The following LAMA2 variants were observed in gnomAD, a reference collection of about 807,000 sequenced individuals.
LAMA2 encodes laminin subunit alpha-2.
Under a neutral mutation model 364.8 loss-of-function variants are expected in LAMA2, and 269 were observed. That is an observed-to-expected ratio of 0.74 (90% CI 0.67 to 0.82). The LOEUF is 0.82. Among genes scored for constraint, LAMA2 ranks in the 40% least tolerant of loss-of-function variants. The pLI, the probability that LAMA2 is intolerant of heterozygous loss-of-function variation, is 0.00. For missense variants in LAMA2, 3,807 were observed against 3,873.2 expected (o/e 0.98, Z 0.45); for synonymous variants, 1,379 against 1,370.6 (o/e 1.01, Z -0.14).
At position 129,505,196 on chromosome 6, in the gene LAMA2, G is replaced by A; in HGVS notation, c.8548-4G>A. On this transcript the variant is annotated splice_polypyrimidine_tract_variant and splice_region_variant and intron_variant, in intron 60 of 64. Transcript: ENST00000421865. ...GGCATTAATGACTCCTTTCTTTTTT[G>A]TAGATTAAGATAATGAGAAGTAAGC... 1 of 1,612,988 alleles carries A rather than the reference G, an allele frequency of 6.2e-7. No individual in the cohort carries two copies. Among genetic ancestry groups the A allele is most frequent in the Non-Finnish European group, 8.5e-7 (1 of 1,179,152 alleles).
At chr6:129,415,897 A>G (rs1780759792) in intron 40 of LAMA2, among the ~76,000 whole-genome samples, 1 of 151,242 alleles carries the variant, frequency 6.6e-6, no homozygotes, top group African/African-American at 2.4e-5. Context: ...AAGAGTGCCA[A>G]CCCTGTCCAA....
chr6:129,487,300 G>C lies in LAMA2; in HGVS notation c.7898+678G>C, dbSNP rs1348208682. The stretch of plus-strand genomic sequence containing the variant: ...ATGCACAAACTGATGACTTTCTTTA[G>C]AATGCTGCAATACTTTATACTTACT... On this transcript the variant is annotated intron_variant, in intron 56 of 64. Coordinates refer to ENST00000421865, the MANE Select transcript of LAMA2 (RefSeq NM_000426.4). Among the ~76,000 whole-genome samples, 4 of 152,138 alleles carry C rather than the reference G, an allele frequency of 2.6e-5. No individual in the cohort carries two copies. The South Asian group carries it at 8.3e-4, about 31-fold the overall frequency.
At chr6:128,902,648 G>T (rs1777160234) in intron 1 of LAMA2, among the ~76,000 whole-genome samples, 1 of 152,174 alleles carries the variant, frequency 6.6e-6, no homozygotes, top group South Asian at 2.1e-4. Flanking sequence ...GGTATCAAAA[G>T]TAGGGTGCGC....
intron 12 of LAMA2, among the ~76,000 whole-genome samples, chr6:129,215,776 A>T (rs117825195): frequency 6.6e-6 from 1 of 152,260 alleles, no homozygotes; most frequent in Non-Finnish European, 1.5e-5. Flanking sequence ...CTCATGAGAC[A>T]CTGGATATGT....
intron 34 of LAMA2, among the ~76,000 whole-genome samples, chr6:129,371,224 A>G (rs985593142): frequency 1.3e-5 from 2 of 149,052 alleles, no homozygotes; most frequent in Non-Finnish European, 3.0e-5. Context: ...ATGAGGCTCA[A>G]TCTGTCTTCA....
chr6:129,155,030 A>G (rs1779025900), intron 8 of LAMA2, among the ~76,000 whole-genome samples: 1 of 152,198 alleles, frequency 6.6e-6, no homozygotes, highest in South Asian at 2.1e-4. Context: ...TTCACTCGAC[A>G]TAATATGTTA....
chr6:129,476,027 G>A (rs1035840242), intron 53 of LAMA2, among the ~76,000 whole-genome samples: 1 of 152,168 alleles, frequency 6.6e-6, no homozygotes, highest in Non-Finnish European at 1.5e-5. Flanking sequence ...GTAAAGAAGT[G>A]TGAGATAGTT....
intron 9 of LAMA2, among the ~76,000 whole-genome samples, chr6:129,170,644 T>C (rs1268140960): frequency 6.6e-6 from 1 of 151,586 alleles, no homozygotes; most frequent in African/African-American, 2.4e-5. Context: ...ATTCTGTTGA[T>C]TTGGGGTGGA....
At chr6:129,309,029 T>A (rs1419337988) in intron 22 of LAMA2, among the ~76,000 whole-genome samples, 1 of 152,196 alleles carries the variant, frequency 6.6e-6, no homozygotes, top group Non-Finnish European at 1.5e-5. Context: ...TGGGGACATA[T>A]CCAACTGTAT....
intron 10 of LAMA2, among the ~76,000 whole-genome samples, chr6:129,187,929 T>G (rs1781320286): frequency 6.6e-6 from 1 of 151,858 alleles, no homozygotes; most frequent in Non-Finnish European, 1.5e-5. Flanking sequence ...TTAAAATGAA[T>G]TCTTGTTCCC....
intron 3 of LAMA2, among the ~76,000 whole-genome samples, chr6:129,096,942 A>G (rs1044335420): frequency 6.6e-6 from 1 of 152,210 alleles, no homozygotes; most frequent in Non-Finnish European, 1.5e-5. Context: ...AGGGTATACC[A>G]TAGATCCTAT....
intron 1 of LAMA2, among the ~76,000 whole-genome samples, chr6:128,932,875 G>T (rs1779569254): frequency 6.6e-6 from 1 of 152,126 alleles, no homozygotes; most frequent in South Asian, 2.1e-4. Flanking sequence ...ATCTGTGTTT[G>T]GAAAATTCCA....
Position 129,156,407 on chromosome 6 carries a change from T to C in LAMA2, c.1206+1724T>C, listed in dbSNP as rs569569255. Among the ~76,000 whole-genome samples, 4 of 152,190 alleles carry C rather than the reference T, an allele frequency of 2.6e-5. No homozygotes were observed. In the South Asian group the frequency reaches 8.3e-4, roughly 32 times the overall value. ...GCATGTCTTTTGTTAAATTAATCTT[T>C]AGAATTTTGCTTTGCATGACTGTAA... On this transcript the variant is annotated intron_variant, in intron 8 of 64. Coordinates refer to ENST00000421865, the MANE Select transcript of LAMA2 (RefSeq NM_000426.4).
At chr6:129,153,457 T>C (rs865880016) in intron 7 of LAMA2, among the ~76,000 whole-genome samples, 25 of 152,324 alleles carry the variant, frequency 1.6e-4, no homozygotes, top group Admixed American at 3.9e-4. Context: ...TAGCTCTCGG[T>C]TTGTCTTAAT....
intron 31 of LAMA2, among the ~76,000 whole-genome samples, chr6:129,351,649 T>G (rs1283809539): frequency 1.3e-5 from 2 of 152,190 alleles, no homozygotes; most frequent in Non-Finnish European, 2.9e-5. Context: ...AGGTTAGGTC[T>G]AAAACTGCTT....
intron 12 of LAMA2, among the ~76,000 whole-genome samples, chr6:129,203,342 C>T (rs142308781): frequency 4.1e-4 from 63 of 152,350 alleles, no homozygotes; most frequent in African/African-American, 1.4e-3. Context: ...GACACACTAG[C>T]CTACGTGCAT....
At chr6:129,352,318 C>T (rs1005244717) in intron 31 of LAMA2, among the ~76,000 whole-genome samples, 12 of 152,122 alleles carry the variant, frequency 7.9e-5, no homozygotes, top group African/African-American at 2.7e-4. Flanking sequence ...TGCATAGATA[C>T]GTGGAAGAGT....
intron 18 of LAMA2, among the ~76,000 whole-genome samples, chr6:129,284,245 G>C (rs1052925517): frequency 2.7e-3 from 4 of 1,476 alleles, no homozygotes; most frequent in African/African-American, 2.8e-3. Flanking sequence ...TGCCAATACT[G>C]TTCCCTCTGC....
intron 28 of LAMA2, 65 bp downstream of exon 28, chr6:129,320,720 C>CA: frequency 1.2e-6 from 1 of 851,424 alleles, no homozygotes; most frequent in Non-Finnish European, 2.0e-6. Flanking sequence ...GAAATACTCC[C>CA]AGAAGTACCT....
Sources: allele counts gnomAD v4.1 joint callset (sites outside exome capture counted in the v4.1 genomes callset), GRCh38; gene constraint gnomAD v4.1.1; transcripts MANE v1.5; gene names NCBI Gene and HGNC (gene_info 2026-07-23, HGNC 2026-07-21).